RORA: variants seen among roughly 807,000 people sequenced by gnomAD.
The protein encoded by RORA is nuclear receptor ROR-alpha.
RORA carries 7 observed loss-of-function variants against 69.5 expected under a neutral mutation model. That is an observed-to-expected ratio of 0.10 (90% CI 0.06 to 0.19). RORA has a LOEUF of 0.19. Ranked by LOEUF, RORA falls within the 10% of genes least tolerant of loss-of-function variation. The pLI is 1.00. For synonymous variants in RORA, 261 were observed against 240.8 expected (o/e 1.08, Z -0.78); for missense variants, 457 against 663.0 (o/e 0.69, Z 3.41).
intron 2 of RORA, among the ~76,000 whole-genome samples, chr15:60,591,468 C>T (rs1211216106): frequency 3.9e-5 from 6 of 152,228 alleles, no homozygotes; most frequent in Admixed American, 3.3e-4. Flanking sequence ...CTCCTTCTCA[C>T]CTGAGAGGAC....
chr15:60,680,571 C>G (rs1393658903), intron 1 of RORA, among the ~76,000 whole-genome samples: 1 of 151,998 alleles, frequency 6.6e-6, no homozygotes, highest in East Asian at 1.9e-4. Context: ...CAGGAGGAAG[C>G]ATGACTTTGG....
intron 1 of RORA, among the ~76,000 whole-genome samples, chr15:60,901,058 G>C (rs141152992): frequency 6.6e-6 from 1 of 152,054 alleles, no homozygotes; most frequent in Non-Finnish European, 1.5e-5. Context: ...TTGAAATTAT[G>C]CCTATATGTA....
intron 1 of RORA, among the ~76,000 whole-genome samples, chr15:61,077,241 G>T (rs955454584): frequency 3.3e-5 from 5 of 151,988 alleles, no homozygotes; most frequent in Admixed American, 1.3e-4. Flanking sequence ...GCAAGGAAAG[G>T]GTAGTGAGGG....
intron 1 of RORA, among the ~76,000 whole-genome samples, chr15:61,180,143 C>CAAAAAAA (rs71456351): frequency 4.4e-4 from 16 of 36,654 alleles, no homozygotes; most frequent in African/African-American, 5.7e-4. Context: ...GACTCCATCT[C>CAAAAAAA]AAAAAAAAAA....
intron 1 of RORA, among the ~76,000 whole-genome samples, chr15:61,191,983 C>G (rs1474132700): frequency 2.0e-5 from 3 of 152,236 alleles, no homozygotes; most frequent in African/African-American, 7.2e-5. Context: ...TTAATCTAAA[C>G]CTTGCTTAAT....
chr15:60,930,204 G>A (rs540200897), intron 1 of RORA, among the ~76,000 whole-genome samples: 7 of 152,170 alleles, frequency 4.6e-5, no homozygotes, highest in Non-Finnish European at 1.0e-4. Context: ...AGATACAGAC[G>A]AAAAAGCTCA....
intron 1 of RORA, among the ~76,000 whole-genome samples, chr15:60,962,283 T>C (rs1354039021): frequency 6.6e-6 from 1 of 152,232 alleles, no homozygotes; most frequent in Non-Finnish European, 1.5e-5. Context: ...CTTCAGCTTT[T>C]TTCCTGATGC....
chr15:61,120,322 T>G (rs73430897), intron 1 of RORA, among the ~76,000 whole-genome samples: 1 of 151,116 alleles, frequency 6.6e-6, no homozygotes. Context: ...GAATCTGATA[T>G]GCAAGCAGAG....
chr15:60,593,073 C>G, intron 2 of RORA: 3 of 375,502 alleles, frequency 8.0e-6, no homozygotes, highest in Non-Finnish European at 1.6e-5. Context: ...GAGAACGAAG[C>G]CACTGGGACC....
At chr15:60,634,595 G>C (rs1230272959) in intron 2 of RORA, among the ~76,000 whole-genome samples, 1 of 151,962 alleles carries the variant, frequency 6.6e-6, no homozygotes, top group African/African-American at 2.4e-5. Flanking sequence ...AGTAGAGACA[G>C]GGTTTCACCA....
intron 2 of RORA, among the ~76,000 whole-genome samples, chr15:60,621,055 G>A (rs756348372): frequency 3.3e-5 from 5 of 152,210 alleles, no homozygotes; most frequent in Admixed American, 1.3e-4. Context: ...ATGCTTTGGC[G>A]TAGAGGGAGG....
At chr15:60,922,403 G>C (rs1892075081) in intron 1 of RORA, among the ~76,000 whole-genome samples, 1 of 152,102 alleles carries the variant, frequency 6.6e-6, no homozygotes, top group Admixed American at 6.6e-5. Flanking sequence ...TGGGAGAGTG[G>C]GGGGAAGGGG....
chr15:61,067,591 C>A (rs1421370113), intron 1 of RORA, among the ~76,000 whole-genome samples: 3 of 152,138 alleles, frequency 2.0e-5, no homozygotes, highest in African/African-American at 7.2e-5. Flanking sequence ...ATTGTTATTT[C>A]TTTCCTCTTC....
intron 1 of RORA, among the ~76,000 whole-genome samples, chr15:60,708,429 A>G (rs2071097923): frequency 6.6e-6 from 1 of 152,048 alleles, no homozygotes; most frequent in Non-Finnish European, 1.5e-5. Context: ...AAAAAAAAAA[A>G]AAAGGAAAAA....
At chr15:60,814,318 T>A (rs968454585) in intron 1 of RORA, among the ~76,000 whole-genome samples, 1 of 152,188 alleles carries the variant, frequency 6.6e-6, no homozygotes, top group Non-Finnish European at 1.5e-5. Context: ...TACTGAAGCA[T>A]GAATCATATG....
intron 1 of RORA, among the ~76,000 whole-genome samples, chr15:60,981,871 C>G (rs1277219894): frequency 6.7e-6 from 1 of 148,560 alleles, no homozygotes; most frequent in South Asian, 2.1e-4. Context: ...ACTGATGTTT[C>G]TTTGCATGCT....
At chr15:61,035,813 A>G (rs1486142779) in intron 1 of RORA, among the ~76,000 whole-genome samples, 1 of 152,258 alleles carries the variant, frequency 6.6e-6, no homozygotes, top group African/African-American at 2.4e-5. Context: ...GCAACTGGGC[A>G]GAGAGATACA....
intron 1 of RORA, among the ~76,000 whole-genome samples, chr15:61,099,569 G>T (rs992785751): frequency 6.6e-6 from 1 of 152,200 alleles, no homozygotes; most frequent in African/African-American, 2.4e-5. Flanking sequence ...CAGGTTGGTG[G>T]TTATCTATAA....
chr15:61,189,209 G>C (rs758745257), intron 1 of RORA, among the ~76,000 whole-genome samples: 4 of 152,016 alleles, frequency 2.6e-5, no homozygotes, highest in Admixed American at 6.6e-5. Context: ...TTGAATAAAC[G>C]CATTTTTACA....
Sources: allele counts gnomAD v4.1 joint callset (sites outside exome capture counted in the v4.1 genomes callset), GRCh38; gene constraint gnomAD v4.1.1; transcripts MANE v1.5; gene names NCBI Gene and HGNC (gene_info 2026-07-23, HGNC 2026-07-21).